GRM8: variants seen among roughly 807,000 people sequenced by gnomAD.
The protein encoded by GRM8 is glutamate metabotropic receptor 8, also known as metabotropic glutamate receptor 8.
GRM8 carries 47 observed loss-of-function variants against 87.2 expected under a neutral mutation model. The observed-to-expected ratio is 0.54, with a 90% CI of 0.43 to 0.69. The LOEUF (loss-of-function observed/expected upper bound fraction) is 0.69, where lower values mean the gene tolerates loss of function less well. Among genes scored for constraint, GRM8 ranks in the 30% least tolerant of loss-of-function variants. The probability of loss-of-function intolerance (pLI) is 0.00; values close to 1 mark genes in which losing one functional copy is unlikely to be tolerated. For synonymous variants in GRM8, 396 were observed against 404.5 expected (o/e 0.98, Z 0.25); for missense variants, 1,019 against 1,139.2 (o/e 0.89, Z 1.52).
At chr7:126,527,931 G>T (rs894312893) in intron 9 of GRM8, among the ~76,000 whole-genome samples, 4 of 152,164 alleles carry the variant, frequency 2.6e-5, no homozygotes, top group African/African-American at 9.7e-5. Context: ...TTCAGGCCGG[G>T]TGCAGTGGCT....
chr7:126,533,826 G>C lies in GRM8; in HGVS notation c.1556C>G (p.Pro519Arg). 1 of 1,614,098 alleles carries C rather than the reference G, an allele frequency of 6.2e-7. No individual in the cohort carries two copies. The highest frequency in any genetic ancestry group is 8.5e-7 in the Non-Finnish European group (1 of 1,179,982). ...TTTCTTCCTCTCCCCTGGCTTACACGGCAGGCTGCAGACAGACGCCGGGTG... is the reference window on the plus strand; with the variant it reads ...TTTCTTCCTCTCCCCTGGCTTACACCGCAGGCTGCAGACAGACGCCGGGTG... ...HTHPASVCSL[P>R]CKPGERKKTV... The change falls in exon 9 of 11, where the codon CCG becomes CGG. Residue 519 changes from proline to arginine, a missense_variant. Physicochemically the swap from Pro to Arg is moderately radical, Grantham distance 103 (BLOSUM62 -2). Transcript: ENST00000339582.
At chr7:126,638,134 A>G (rs1442864172) in intron 7 of GRM8, among the ~76,000 whole-genome samples, 4 of 152,112 alleles carry the variant, frequency 2.6e-5, no homozygotes, top group Admixed American at 2.6e-4. Flanking sequence ...ATACATTTAT[A>G]TTTTTAAAAT....
At chr7:127,100,884 C>T (rs1825177870) in intron 3 of GRM8, among the ~76,000 whole-genome samples, 1 of 152,158 alleles carries the variant, frequency 6.6e-6, no homozygotes, top group Non-Finnish European at 1.5e-5. Flanking sequence ...TCCTCATTCC[C>T]CTATACTTCT....
chr7:127,159,460 G>T (rs1051637053), intron 2 of GRM8, among the ~76,000 whole-genome samples: 6 of 152,106 alleles, frequency 3.9e-5, no homozygotes, highest in Non-Finnish European at 7.4e-5. Context: ...AACTTTAAAA[G>T]TATGGCACTG....
chr7:127,166,307 C>A (rs540659068), intron 2 of GRM8, among the ~76,000 whole-genome samples: 28 of 152,200 alleles, frequency 1.8e-4, no homozygotes, highest in Non-Finnish European at 2.8e-4. Context: ...ATGCACAAGG[C>A]CCCAGATCAC....
chr7:126,702,028 C>G (rs1809989552), intron 7 of GRM8, among the ~76,000 whole-genome samples: 1 of 152,104 alleles, frequency 6.6e-6, no homozygotes, highest in African/African-American at 2.4e-5. Flanking sequence ...TGTCAGAGAC[C>G]AATGAGTGTC....
intron 8 of GRM8, among the ~76,000 whole-genome samples, chr7:126,576,592 T>C (rs1220311481): frequency 6.6e-6 from 1 of 152,134 alleles, no homozygotes; most frequent in Non-Finnish European, 1.5e-5. Context: ...CCCCAGCTTT[T>C]AATATCTCTA....
At chr7:127,012,535 C>T (rs1236786836) in intron 3 of GRM8, among the ~76,000 whole-genome samples, 2 of 152,092 alleles carry the variant, frequency 1.3e-5, no homozygotes, top group Non-Finnish European at 2.9e-5. Context: ...TTCCGCTCTA[C>T]TTAAATAGCA....
chr7:127,003,500 CAGG>C (rs913732986), intron 3 of GRM8, among the ~76,000 whole-genome samples: 3 of 151,658 alleles, frequency 2.0e-5, no homozygotes, highest in African/African-American at 7.3e-5. Flanking sequence ...TCTTCCACAA[CAGG>C]AGAAGAAAGG....
At chr7:126,609,940 T>C (rs1234714190) in intron 7 of GRM8, among the ~76,000 whole-genome samples, 2 of 152,190 alleles carry the variant, frequency 1.3e-5, no homozygotes, top group Non-Finnish European at 2.9e-5. Context: ...GTTTTGCTTT[T>C]TCCAAACTCT....
At chr7:126,505,925 G>C (rs1810395200) in intron 9 of GRM8, among the ~76,000 whole-genome samples, 1 of 151,954 alleles carries the variant, frequency 6.6e-6, no homozygotes, top group Non-Finnish European at 1.5e-5. Context: ...TCACCATGCT[G>C]TACATTAGGG....
At chr7:126,961,576 G>A (rs959231085) in intron 3 of GRM8, among the ~76,000 whole-genome samples, 1 of 152,164 alleles carries the variant, frequency 6.6e-6, no homozygotes, top group Non-Finnish European at 1.5e-5. Flanking sequence ...CTCTGCTTAA[G>A]TGGCCTGCTG....
chr7:126,778,431 A>G (rs970451897), intron 6 of GRM8, among the ~76,000 whole-genome samples: 18 of 152,180 alleles, frequency 1.2e-4, no homozygotes, highest in African/African-American at 4.3e-4. Flanking sequence ...TGAAAAACCT[A>G]AGGTAAGTGG....
intron 9 of GRM8, among the ~76,000 whole-genome samples, chr7:126,452,896 A>G (rs1004655483): frequency 1.1e-4 from 17 of 151,746 alleles, no homozygotes; most frequent in Non-Finnish European, 2.4e-4. Flanking sequence ...GACAACATAT[A>G]TACACAGTGG....
At chr7:127,020,883 T>C (rs1156400302) in intron 3 of GRM8, among the ~76,000 whole-genome samples, 1 of 152,014 alleles carries the variant, frequency 6.6e-6, no homozygotes, top group Non-Finnish European at 1.5e-5. Context: ...TAGATAGAGA[T>C]AGGAAATTAA....
intron 3 of GRM8, among the ~76,000 whole-genome samples, chr7:126,907,584 G>C (rs1443398476): frequency 2.0e-5 from 3 of 152,012 alleles, no homozygotes; most frequent in Admixed American, 2.0e-4. Flanking sequence ...AAATGAGATG[G>C]AGATAAGGGT....
Position 126,918,297 on chromosome 7 carries a change from A to G in GRM8, c.728-13614T>C, listed in dbSNP as rs189989935. Among the ~76,000 whole-genome samples the G allele has an allele frequency of 8.5e-5, 13 of 152,342 alleles. No homozygotes were observed. The East Asian group carries it at 2.3e-3, about 27-fold the overall frequency. On this transcript the variant is annotated intron_variant, in intron 3 of 10. Coordinates refer to ENST00000339582, the MANE Select transcript of GRM8 (RefSeq NM_000845.3). ...GAGATTATGCTTGATTCAGCCAGCC[A>G]AAAACCAGAAAAATCTATTTCTAAT... is the stretch of plus-strand genomic sequence containing the variant.
chr7:126,564,073 A>G (rs1341491880), intron 8 of GRM8, among the ~76,000 whole-genome samples: 1 of 152,218 alleles, frequency 6.6e-6, no homozygotes, highest in Non-Finnish European at 1.5e-5. Flanking sequence ...GAGGAAGAGA[A>G]ATTAGCAGTT....
At chr7:126,699,764 A>G (rs1286110188) in intron 7 of GRM8, among the ~76,000 whole-genome samples, 1 of 152,176 alleles carries the variant, frequency 6.6e-6, no homozygotes, top group Admixed American at 6.5e-5. Flanking sequence ...ATAAAGAGAC[A>G]GAGTGGCCCA....
Sources: gnomAD v4.1 joint callset for allele counts (sites outside exome capture counted in the v4.1 genomes callset) on GRCh38, gnomAD v4.1.1 for gene constraint, MANE v1.5 for transcripts, NCBI Gene and HGNC (gene_info 2026-07-23, HGNC 2026-07-21) for gene names.